The following PAWR variants were observed in gnomAD, a reference collection of about 807,000 sequenced individuals.
PAWR encodes pro-apoptotic WT1 regulator, also known as PRKC apoptosis WT1 regulator protein.
A neutral mutation model predicts 32.0 loss-of-function variants in PAWR; 23 were observed. The ratio of observed to expected loss-of-function variants is 0.72; its 90% CI spans 0.52 to 1.02. PAWR has a LOEUF of 1.02. PAWR is among the 50% of genes least tolerant of loss of function. The pLI is 0.00. For synonymous variants in PAWR, 226 were observed against 187.1 expected, an observed-to-expected ratio of 1.21 and a Z score of -1.70; for missense variants, 457 against 437.7, an observed-to-expected ratio of 1.04 and a Z score of -0.39.
Position 79,689,833 on chromosome 12 carries a change from T to C in PAWR, c.412A>G (p.Lys138Glu), listed in dbSNP as rs948995855. 1.3e-6 allele frequency: 2 copies of C among 1,592,520 alleles called. No homozygotes were observed. The highest frequency in any genetic ancestry group is 1.7e-5 in the Admixed American group (1 of 57,992). ...EEPDGVPEKG[K>E]SSGPSARKGK... The stretch of plus-strand genomic sequence containing the variant: ...TTCCTGGCACTGGGGCCCGAGCTCT[T>C]GCCCTTCTCTGGGACGCCGTCCGGC... Residue 138 changes from lysine (K) to glutamate (E), a missense_variant, in exon 2 of 7, where the codon AAG becomes GAG. By Grantham distance (56) the Lys-to-Glu change is moderately conservative (BLOSUM62 1). Coordinates refer to ENST00000328827, the MANE Select transcript of PAWR (RefSeq NM_002583.4).
chr12:79,601,714 A>C (rs747215580), intron 4 of PAWR, among the ~76,000 whole-genome samples: 16 of 152,210 alleles, frequency 1.1e-4, no homozygotes, highest in Non-Finnish European at 2.4e-4. Flanking sequence ...TTGTTCTCAC[A>C]AATATTTTAA....
intron 4 of PAWR, among the ~76,000 whole-genome samples, chr12:79,601,697 CAA>C (rs1178943206): frequency 6.6e-6 from 1 of 151,978 alleles, no homozygotes; most frequent in African/African-American, 2.4e-5. Flanking sequence ...ATTTATGGTA[CAA>C]AAGTTTGTTC....
In PAWR at chr12:79,638,234, A is replaced by G. The variant is rs572927617; in HGVS notation, c.517-17027T>C. Reference sequence around the variant, plus strand: ...AACTCTCACCAAATATATTAGGCAAATAGGGGTTTCACTGAATCCTAATTA... The same window carrying G: ...AACTCTCACCAAATATATTAGGCAAGTAGGGGTTTCACTGAATCCTAATTA... On this transcript the variant is annotated intron_variant, in intron 2 of 6. Transcript: ENST00000328827. 3.9e-5 allele frequency among the ~76,000 whole-genome samples: 6 copies of G among 152,084 alleles called. No individual in the cohort carries two copies. In the South Asian group the frequency reaches 1.2e-3, roughly 32 times the overall value.
At chr12:79,598,971 G>A (rs991755049) in intron 4 of PAWR, among the ~76,000 whole-genome samples, 1 of 152,154 alleles carries the variant, frequency 6.6e-6, no homozygotes, top group African/African-American at 2.4e-5. Context: ...TCCTGACCTC[G>A]TGATCCACCT....
chr12:79,594,180 T>C, intron 6 of PAWR, 149 bp downstream of exon 6: 2 of 518,504 alleles, frequency 3.9e-6, no homozygotes, highest in Non-Finnish European at 6.7e-6. Flanking sequence ...AATCAGTTTT[T>C]GGAAGAAAAT....
intron 4 of PAWR, chr12:79,604,663 C>T (rs1395966895): frequency 7.8e-7 from 1 of 1,288,694 alleles, no homozygotes; most frequent in Admixed American, 2.3e-5. Flanking sequence ...TCTCTTCACC[C>T]TCCAACACTC....
Position 79,689,737 on chromosome 12 carries a change from C to T in PAWR, c.508G>A (p.Ala170Thr), listed in dbSNP as rs1233209184. Residue 170 changes from alanine (A) to threonine (T), a missense_variant, in exon 2 of 7, where the codon GCC (alanine) becomes ACC (threonine). Coordinates refer to ENST00000328827, the MANE Select transcript of PAWR (RefSeq NM_002583.4). ...RRSTGVVNIP[A>T]AECLDEYEDD... is the part of the protein sequence containing the mutation. ...GCCCCCGCCCGGCTCACCTCTGCGG[C>T]AGGGATGTTGACCACGCCGGTGGAG... 3 of 1,560,722 alleles carry T rather than the reference C, an allele frequency of 1.9e-6. No individual in the cohort carries two copies. The highest frequency in any genetic ancestry group is 2.6e-6 in the Non-Finnish European group (3 of 1,156,546).
At chr12:79,625,297 TG>T (rs1271851620) in intron 2 of PAWR, among the ~76,000 whole-genome samples, 3 of 152,040 alleles carry the variant, frequency 2.0e-5, no homozygotes, top group Admixed American at 6.6e-5. Context: ...CATGCATAAT[TG>T]GGGTCTCAGA....
intron 2 of PAWR, among the ~76,000 whole-genome samples, chr12:79,674,262 C>T (rs971247631): frequency 2.6e-5 from 4 of 152,006 alleles, no homozygotes; most frequent in Non-Finnish European, 4.4e-5. Flanking sequence ...CACCTACAAC[C>T]ATCTGATCTT....
chr12:79,653,986 C>G (rs917238580), intron 2 of PAWR, among the ~76,000 whole-genome samples: 1 of 152,146 alleles, frequency 6.6e-6, no homozygotes, highest in African/African-American at 2.4e-5. Flanking sequence ...AAATCAAGCC[C>G]AGTTGGAGGT....
In PAWR at chr12:79,690,125, G is replaced by T; in HGVS notation, c.120C>A (p.Ala40=). The T allele has an allele frequency of 1.3e-6, 2 of 1,504,934 alleles. No individual in the cohort carries two copies. The highest frequency in any genetic ancestry group is 1.8e-6 in the Non-Finnish European group (2 of 1,129,788). The allele number at this position is 1,504,934 out of a possible 1,614,324, so 93.2% of individuals were successfully genotyped here. The change falls in exon 2 of 7, where the codon GCC becomes GCA. Residue 40 remains alanine (A), a synonymous_variant. Coordinates refer to ENST00000328827, the MANE Select transcript of PAWR (RefSeq NM_002583.4). The part of the protein sequence containing the change: ...MRAKQNPPGP[A]PPGGGSSDAA... ...CGTCGCTGCTGCCCCCTCCCGGGGG[G>T]GCCGGGCCCGGGGGGTTCTGCTTGG...
chr12:79,630,385 T>C (rs1206829863), intron 2 of PAWR, among the ~76,000 whole-genome samples: 1 of 151,892 alleles, frequency 6.6e-6, no homozygotes, highest in Non-Finnish European at 1.5e-5. Flanking sequence ...CTGCAACCTC[T>C]GCCTCCCGGG....
intron 2 of PAWR, among the ~76,000 whole-genome samples, chr12:79,653,759 G>A (rs901540870): frequency 6.6e-5 from 10 of 152,214 alleles, no homozygotes; most frequent in Non-Finnish European, 1.5e-4. Context: ...GATTACAGGC[G>A]TGAGCCACTG....
intron 2 of PAWR, among the ~76,000 whole-genome samples, chr12:79,623,193 G>T (rs535664051): frequency 1.3e-5 from 2 of 152,174 alleles, no homozygotes; most frequent in East Asian, 3.9e-4. Context: ...GTCAGTGAAA[G>T]AAATCTGGTA....
At chr12:79,614,259 C>T (rs1431979071) in intron 3 of PAWR, among the ~76,000 whole-genome samples, 2 of 151,442 alleles carry the variant, frequency 1.3e-5, no homozygotes, top group East Asian at 3.9e-4. Context: ...ATCCGTCCAC[C>T]TCAGCCTCCC....
In PAWR at chr12:79,588,432, G is replaced by A. The variant is rs371023636; in HGVS notation, c.*4175C>T. 31 of 151,724 alleles carry A rather than the reference G, an allele frequency of 2.0e-4. No homozygotes were observed. The highest frequency in any genetic ancestry group is 7.5e-4 in the African/African-American group (31 of 41,326). The allele number at this position is 151,724 out of a possible 1,614,324, so 9.4% of individuals were successfully genotyped here. A position where few individuals can be genotyped will look rare whatever the true frequency, so the allele number is the denominator to read the frequency against. On this transcript the variant is annotated 3_prime_UTR_variant, in exon 7 of 7. Transcript: ENST00000328827. Reference sequence around the variant, plus strand: ...TAATTAACATTATCTTTAAAAAATGGTAGATATTTCCCAGTATGCATCAGT... The same window carrying A: ...TAATTAACATTATCTTTAAAAAATGATAGATATTTCCCAGTATGCATCAGT...
intron 2 of PAWR, among the ~76,000 whole-genome samples, chr12:79,672,261 A>G (rs1156586624): frequency 6.6e-6 from 1 of 152,104 alleles, no homozygotes; most frequent in African/African-American, 2.4e-5. Flanking sequence ...TGCTTCAACC[A>G]ACAAGCAGCT....
chr12:79,672,056 A>G (rs1403495019), intron 2 of PAWR, among the ~76,000 whole-genome samples: 1 of 152,174 alleles, frequency 6.6e-6, no homozygotes, highest in African/African-American at 2.4e-5. Flanking sequence ...CTTCTCACAG[A>G]AAGTGCTGTC....
rs1332360940 is a variant in PAWR, at chr12:79,591,857, C to CT, written c.*749dup. 1 of 152,332 alleles carries CT rather than the reference C, an allele frequency of 6.6e-6. No individual in the cohort carries two copies. Among genetic ancestry groups the CT allele is most frequent in the Non-Finnish European group, 1.5e-5 (1 of 67,950 alleles). 9.4% of individuals were successfully genotyped at this position (152,332 alleles called of 1,614,324 possible). ...AAACTTTTAAAATATCCTGTGTTCA[C>CT]TAGCAAACCTTGGAACGATAAAAAA... On this transcript the variant is annotated 3_prime_UTR_variant, in exon 7 of 7. Transcript: ENST00000328827.
Sources: allele counts gnomAD v4.1 joint callset (sites outside exome capture counted in the v4.1 genomes callset), GRCh38; gene constraint gnomAD v4.1.1; transcripts MANE v1.5; gene names NCBI Gene and HGNC (gene_info 2026-07-23, HGNC 2026-07-21).